Variants in LRRC23 observed in about 807,000 individuals in gnomAD.
The protein encoded by LRRC23 is leucine-rich repeat-containing protein 23.
LRRC23 carries 28 observed loss-of-function variants against 37.7 expected under a neutral mutation model. The ratio of observed to expected loss-of-function variants is 0.74; its 90% CI spans 0.55 to 1.02. LRRC23 has a LOEUF of 1.02. Among genes scored for constraint, LRRC23 ranks in the 50% least tolerant of loss-of-function variants. The pLI is 0.00. For synonymous variants in LRRC23, 161 were observed against 165.4 expected, an observed-to-expected ratio of 0.97 and a Z score of 0.20; for missense variants, 377 against 413.2, an observed-to-expected ratio of 0.91 and a Z score of 0.76.
At chr12:6,910,103 C>A in intron 6 of LRRC23, 77 bp downstream of exon 6, 1 of 1,386,366 alleles carries the variant, frequency 7.2e-7, no homozygotes, top group Non-Finnish European at 9.8e-7. Flanking sequence ...TCTTCCCTGG[C>A]CCAATCCCCC....
intron 5 of LRRC23, among the ~76,000 whole-genome samples, chr12:6,909,165 A>AAATATAT (rs1565553693): frequency 1.7e-3 from 1 of 588 alleles, no homozygotes; most frequent in Non-Finnish European, 3.2e-3. Context: ...ATTATATATA[A>AAATATAT]AATATATAAT....
In LRRC23 at chr12:6,906,331, T is replaced by C. The variant is rs113774955; in HGVS notation, c.237-78T>C. 8.6e-5 allele frequency: 122 copies of C among 1,423,520 alleles called. No homozygotes were observed. The African/African-American group carries it at 1.4e-3, about 16-fold the overall frequency. The allele number at this position is 1,423,520 out of a possible 1,614,324, so 88.2% of individuals were successfully genotyped here. A position where few individuals can be genotyped will look rare whatever the true frequency, so the allele number is the denominator to read the frequency against. On this transcript the variant is annotated intron_variant, in intron 3 of 7. Coordinates refer to ENST00000443597, the MANE Select transcript of LRRC23 (RefSeq NM_001135217.2). ...ATTATAAGCCATCTCCATATTGCCT[T>C]CTGCTTTAGCAACTCTGCCAGTCCT...
intron 5 of LRRC23, among the ~76,000 whole-genome samples, chr12:6,909,419 ATAAT>A (rs1239980741): frequency 3.4e-5 from 2 of 58,662 alleles, no homozygotes; most frequent in Non-Finnish European, 5.1e-5. Context: ...TATATTATAT[ATAAT>A]ATATAAATAT....
rs1945259990 is a variant in LRRC23, at chr12:6,914,142, TG to T, written c.*279del. 2 of 1,421,714 alleles carry T rather than the reference TG, an allele frequency of 1.4e-6. No individual in the cohort carries two copies. The highest frequency in any genetic ancestry group is 2.4e-5 in the Admixed American group (1 of 41,898). 88.1% of individuals were successfully genotyped at this position (1,421,714 alleles called of 1,614,324 possible). A position where few individuals can be genotyped will look rare whatever the true frequency, so the allele number is the denominator to read the frequency against. ...GGCGTGGGTGAGAGCCAAGACCGCGTGGGCCGCGGGGTGCTGGTAGGAGTGG... is the reference window on the plus strand; with the variant it reads ...GGCGTGGGTGAGAGCCAAGACCGCGTGGCCGCGGGGTGCTGGTAGGAGTGG... On this transcript the variant is annotated 3_prime_UTR_variant, in exon 8 of 8. Transcript: ENST00000443597. This position sits in a 1 kb window ranked among gnomAD's most constrained non-coding sequence, Gnocchi z 7.1.
chr12:6,909,149 TTATATATTATATATA>T lies in LRRC23; in HGVS notation c.622-740_622-726del, dbSNP rs1945053373. On this transcript the variant is annotated intron_variant, in intron 5 of 7. Transcript: ENST00000443597. ...ATAATATATAATTATATATTATATA[TTATATATTATATATA>T]AAATATATAATATATAATTATATAT... Among the ~76,000 whole-genome samples the T allele has an allele frequency of 1.0e-3, 5 of 5,012 alleles. 1 individual carries two copies. Among genetic ancestry groups the T allele is most frequent in the Non-Finnish European group, 1.3e-3 (5 of 3,746 alleles). The allele number at this position is 5,012 out of a possible 152,430, so 3.3% of individuals were successfully genotyped here. A position where few individuals can be genotyped will look rare whatever the true frequency, so the allele number is the denominator to read the frequency against.
intron 4 of LRRC23, 161 bp downstream of exon 4, chr12:6,906,823 T>C (rs1478018460): frequency 1.3e-6 from 1 of 790,880 alleles, no homozygotes; most frequent in African/African-American, 1.7e-5. Flanking sequence ...ATGCTAACCA[T>C]ATAGGATCCA....
intron 5 of LRRC23, 112 bp downstream of exon 5, chr12:6,907,557 G>T (rs1381461331): frequency 5.4e-6 from 6 of 1,119,256 alleles, no homozygotes; most frequent in Non-Finnish European, 6.7e-6. Flanking sequence ...ATAATAACTG[G>T]TATTATTATC....
Position 6,905,920 on chromosome 12 carries a change from G to T in LRRC23, c.202G>T (p.Ala68Ser), listed in dbSNP as rs1555139487. 1 of 1,614,032 alleles carries T rather than the reference G, an allele frequency of 6.2e-7. No homozygotes were observed. The highest frequency in any genetic ancestry group is 1.7e-5 in the Admixed American group (1 of 60,010). Residue 68 changes from alanine (A) to serine (S), a missense_variant, in exon 3 of 8, where the codon GCT becomes TCT. Coordinates refer to ENST00000443597, the MANE Select transcript of LRRC23 (RefSeq NM_001135217.2). ...SLLCKTGNGL[A>S]HAYVKLEVKE... is the part of the protein sequence containing the mutation. ...GCTCTGTAAGACAGGCAATGGGCTGGCTCATGCTTATGTCAAGCTGGAGGT... is the reference window on the plus strand; with the variant it reads ...GCTCTGTAAGACAGGCAATGGGCTGTCTCATGCTTATGTCAAGCTGGAGGT...
In LRRC23 at chr12:6,909,876, C is replaced by T. The variant is rs782047663; in HGVS notation, c.622-14C>T. The T allele has an allele frequency of 2.5e-6, 4 of 1,606,400 alleles. No homozygotes were observed. The highest frequency in any genetic ancestry group is 3.4e-6 in the Non-Finnish European group (4 of 1,176,144). On this transcript the variant is annotated splice_polypyrimidine_tract_variant and intron_variant, in intron 5 of 7. Coordinates refer to ENST00000443597, the MANE Select transcript of LRRC23 (RefSeq NM_001135217.2). ...GCTCCCTCTCAATCAATCCACTGTGCCCTGGGGGTCTAGGCCCAAAACATG... is the reference window on the plus strand; with the variant it reads ...GCTCCCTCTCAATCAATCCACTGTGTCCTGGGGGTCTAGGCCCAAAACATG...
At position 6,914,111 on chromosome 12, in the gene LRRC23, C is replaced by G. The variant is rs782092703; in HGVS notation, c.*245C>G. 3 of 1,503,594 alleles carry G rather than the reference C, an allele frequency of 2.0e-6. No homozygotes were observed. Among genetic ancestry groups the G allele is most frequent in the South Asian group, 1.4e-5 (1 of 73,166 alleles). The allele number at this position is 1,503,594 out of a possible 1,614,324, so 93.1% of individuals were successfully genotyped here. On this transcript the variant is annotated 3_prime_UTR_variant, in exon 8 of 8. Coordinates refer to ENST00000443597, the MANE Select transcript of LRRC23 (RefSeq NM_001135217.2). This position sits in a 1 kb window ranked among gnomAD's most constrained non-coding sequence, Gnocchi z 7.1. ...TGGAGCCTAGGCCGGGGGCCGCCCT[C>G]GGGCAGGCGTGGGTGAGAGCCAAGA...
Position 6,907,349 on chromosome 12 carries a change from C to T in LRRC23, c.525C>T (p.Pro175=), listed in dbSNP as rs376265372. The T allele has an allele frequency of 2.1e-5, 34 of 1,613,920 alleles. No homozygotes were observed. Among genetic ancestry groups the T allele is most frequent in the African/African-American group, 4.0e-5 (3 of 74,848 alleles). The stretch of plus-strand genomic sequence containing the variant: ...TCCACATGGTGACAGGTCTGGACCC[C>T]GAGAAGTTGATCAGCCTGCACACAG... ...NSIHMVTGLD[P]EKLISLHTVE... is the part of the protein sequence containing the mutation. Residue 175 remains proline, a synonymous_variant, in exon 5 of 8, where the codon CCC becomes CCT. Coordinates refer to ENST00000443597, the MANE Select transcript of LRRC23 (RefSeq NM_001135217.2).
At chr12:6,911,746 G>GC (rs1263741419) in intron 6 of LRRC23, among the ~76,000 whole-genome samples, 1 of 152,154 alleles carries the variant, frequency 6.6e-6, no homozygotes, top group Non-Finnish European at 1.5e-5. Context: ...GGTGGCTCAC[G>GC]CCTGTAATCC....
chr12:6,909,035 ATATAT>A (rs1555140135), intron 5 of LRRC23, among the ~76,000 whole-genome samples: 2 of 99,068 alleles, frequency 2.0e-5, no homozygotes, highest in African/African-American at 7.8e-5. Context: ...TATATATATT[ATATAT>A]TATATAATTA....
intron 6 of LRRC23, among the ~76,000 whole-genome samples, chr12:6,912,048 T>TA (rs774592864): frequency 3.9e-5 from 6 of 152,136 alleles, no homozygotes; most frequent in Non-Finnish European, 7.4e-5. Context: ...TGAGGCACAT[T>TA]AGGAGATGAA....
Position 6,905,847 on chromosome 12 carries a change from G to T in LRRC23, c.129G>T (p.Trp43Cys). 1 of 1,613,942 alleles carries T rather than the reference G, an allele frequency of 6.2e-7. No individual in the cohort carries two copies. Among genetic ancestry groups the T allele is most frequent in the South Asian group, 1.1e-5 (1 of 91,080 alleles). ...CCTTACTCCACTTCTACCTGCAGTG[G>T]CTGCCCACCCCCCTCACGGAGGACA... ...RKEGEEFPEE[W>C]LPTPLTEDMM... is the part of the protein sequence containing the mutation. Residue 43 changes from tryptophan (W) to cysteine (C), a missense_variant and splice_region_variant, in exon 3 of 8, where the codon TGG becomes TGT. Around this residue, in one of 3 missense-constraint regions of LRRC23, gnomAD observed 106 missense variants for 105.9 expected, o/e 1.00. Transcript: ENST00000443597.
chr12:6,907,294 T>A (rs1193397518), intron 4 of LRRC23, 21 bp from the exon 5 acceptor site: 2 of 1,612,178 alleles, frequency 1.2e-6, no homozygotes, highest in African/African-American at 2.7e-5. Context: ...CCCTTTGAGC[T>A]CTTGAAACCC....
chr12:6,907,246 C>T (rs1302253441), intron 4 of LRRC23, 69 bp from the exon 5 acceptor site: 9 of 1,584,694 alleles, frequency 5.7e-6, no homozygotes, highest in African/African-American at 1.4e-5. Flanking sequence ...TTTAGAGGCT[C>T]CCCAAATTCA....
chr12:6,906,633 A>G lies in LRRC23; in HGVS notation c.461A>G (p.His154Arg). 6.2e-7 allele frequency: 1 copy of G among 1,614,132 alleles called. No homozygotes were observed. The highest frequency in any genetic ancestry group is 2.2e-5 in the East Asian group (1 of 44,882). ...ATTACTGACACTGAAGGCATCTCTCATCCTCGTCTTGAAACCCTGAATCTC... is the reference window on the plus strand; with the variant it reads ...ATTACTGACACTGAAGGCATCTCTCGTCCTCGTCTTGAAACCCTGAATCTC... ...NQITDTEGISHPRLETLNLKG... is the reference protein window; with the variant it reads ...NQITDTEGISRPRLETLNLKG... Residue 154 changes from histidine (H) to arginine (R), a missense_variant, in exon 4 of 8, where the codon CAT (histidine) becomes CGT (arginine). Physicochemically the swap from His to Arg is conservative, Grantham distance 29 (BLOSUM62 0). Transcript: ENST00000443597.
chr12:6,906,633 A>C lies in LRRC23; in HGVS notation c.461A>C (p.His154Pro). 3 of 1,614,130 alleles carry C rather than the reference A, an allele frequency of 1.9e-6. No homozygotes were observed. Among genetic ancestry groups the C allele is most frequent in the Non-Finnish European group, 2.5e-6 (3 of 1,180,002 alleles). Residue 154 changes from histidine to proline, a missense_variant, in exon 4 of 8, where the codon CAT becomes CCT. Coordinates refer to ENST00000443597, the MANE Select transcript of LRRC23 (RefSeq NM_001135217.2). ...ATTACTGACACTGAAGGCATCTCTC[A>C]TCCTCGTCTTGAAACCCTGAATCTC... ...NQITDTEGIS[H>P]PRLETLNLKG... is the part of the protein sequence containing the mutation.
Sources: allele counts gnomAD v4.1 joint callset (sites outside exome capture counted in the v4.1 genomes callset), GRCh38; gene constraint gnomAD v4.1.1; regional missense constraint gnomAD v4.1.1; non-coding constraint Gnocchi (gnomAD v3.1); transcripts MANE v1.5; gene names NCBI Gene and HGNC (gene_info 2026-07-23, HGNC 2026-07-21).